TAS2R1: variants seen among roughly 807,000 people sequenced by gnomAD.
TAS2R1 encodes the protein taste 2 receptor member 1, also known as taste receptor type 2 member 1.
For missense variants in TAS2R1, 370 were observed against 353.4 expected (o/e 1.05, Z -0.38); for synonymous variants, 141 against 134.2 (o/e 1.05, Z -0.35).
At chr5:9,704,205 T>C (rs1214389749) in intron 1 of TAS2R1, among the ~76,000 whole-genome samples, 1 of 152,160 alleles carries the variant, frequency 6.6e-6, no homozygotes, top group Non-Finnish European at 1.5e-5. Flanking sequence ...TTGGACCCCA[T>C]GAGCTTAAGA....
At chr5:9,888,995 A>G in the TAS2R1 span, among the ~76,000 whole-genome samples, 1 of 152,278 alleles carries the variant, frequency 6.6e-6, no homozygotes. Flanking sequence ...CCTGAAGGCC[A>G]ACTTGAGCAT....
At chr5:9,781,213 G>T in the TAS2R1 span, among the ~76,000 whole-genome samples, 3 of 152,030 alleles carry the variant, frequency 2.0e-5, no homozygotes, top group African/African-American at 7.3e-5. Flanking sequence ...TTTTAAAGTT[G>T]AACTTTACCT....
chr5:9,701,415 C>T (rs1014787323), intron 1 of TAS2R1, among the ~76,000 whole-genome samples: 1 of 152,112 alleles, frequency 6.6e-6, no homozygotes, highest in Admixed American at 6.5e-5. Context: ...AGGGAGCAAA[C>T]TGCCTTTCTG....
At chr5:9,717,758 C>T in the TAS2R1 span, among the ~76,000 whole-genome samples, 2 of 152,008 alleles carry the variant, frequency 1.3e-5, no homozygotes, top group Non-Finnish European at 2.9e-5. Context: ...TAAGAATGAA[C>T]TCTGAATGAA....
the TAS2R1 span, among the ~76,000 whole-genome samples, chr5:9,901,490 T>C: frequency 4.9e-4 from 75 of 151,976 alleles, no homozygotes; most frequent in African/African-American, 1.6e-3. Context: ...AAGAAAAAAA[T>C]ATTGAAAGAA....
intron 1 of TAS2R1, among the ~76,000 whole-genome samples, chr5:9,695,525 AT>A (rs1220456775): frequency 6.6e-6 from 1 of 150,544 alleles, no homozygotes; most frequent in African/African-American, 2.5e-5. Flanking sequence ...TAGATGCTGC[AT>A]TTTGAAGATC....
chr5:9,676,996 G>T (rs538444467), intron 1 of TAS2R1, among the ~76,000 whole-genome samples: 1 of 152,098 alleles, frequency 6.6e-6, no homozygotes, highest in East Asian at 1.9e-4. Context: ...CAATCACATG[G>T]AATCAACCTA....
chr5:9,842,482 G>A, the TAS2R1 span, among the ~76,000 whole-genome samples: 3 of 151,732 alleles, frequency 2.0e-5, no homozygotes, highest in Non-Finnish European at 2.9e-5. Flanking sequence ...CACCACGGCC[G>A]GCTAATTTCT....
upstream of TAS2R1, among the ~76,000 whole-genome samples, chr5:9,717,331 G>A (rs73037674): frequency 0.013 from 1,907 of 152,002 alleles, 41 homozygotes; most frequent in African/African-American, 0.044. Context: ...GACTTAAGAA[G>A]GGGGAATAAG....
intron 1 of TAS2R1, among the ~76,000 whole-genome samples, chr5:9,673,531 T>C (rs1740811036): frequency 6.6e-6 from 1 of 151,980 alleles, no homozygotes; most frequent in African/African-American, 2.4e-5. Flanking sequence ...TACTCACTAT[T>C]TTTTATTTAT....
chr5:9,897,855 C>A, the TAS2R1 span, among the ~76,000 whole-genome samples: 6,283 of 152,218 alleles, frequency 0.041, 207 homozygotes, highest in South Asian at 0.13. Flanking sequence ...TAAGAGCCTG[C>A]AGATTAAAGA....
At chr5:9,887,202 T>C in the TAS2R1 span, among the ~76,000 whole-genome samples, 7 of 152,186 alleles carry the variant, frequency 4.6e-5, no homozygotes, top group Non-Finnish European at 7.3e-5. Context: ...TCACACCACA[T>C]AGTAATAATC....
the TAS2R1 span, among the ~76,000 whole-genome samples, chr5:9,864,588 G>A: frequency 6.7e-5 from 10 of 150,288 alleles, no homozygotes; most frequent in Admixed American, 2.0e-4. Context: ...AGCCAAGATC[G>A]CGCCACTTCA....
At chr5:9,770,355 T>C in the TAS2R1 span, among the ~76,000 whole-genome samples, 2 of 152,200 alleles carry the variant, frequency 1.3e-5, no homozygotes, top group East Asian at 1.9e-4. Context: ...TCTTCCAGTT[T>C]TGCTCCTTTT....
At chr5:9,752,403 T>G in the TAS2R1 span, among the ~76,000 whole-genome samples, 6 of 152,190 alleles carry the variant, frequency 3.9e-5, no homozygotes, top group African/African-American at 1.2e-4. Context: ...TTCTTTCCAC[T>G]CTGGCTTTCC....
the TAS2R1 span, among the ~76,000 whole-genome samples, chr5:9,842,316 C>CTTTTTTTTTTTTTTT: frequency 5.2e-5 from 6 of 116,230 alleles, no homozygotes; most frequent in South Asian, 2.8e-4. Context: ...TTCTTTCTCT[C>CTTTTTTTTTTTTTTT]TTTTTTTTTT....
At chr5:9,662,281 C>A (rs1342746898) in intron 1 of TAS2R1, among the ~76,000 whole-genome samples, 1 of 152,166 alleles carries the variant, frequency 6.6e-6, no homozygotes, top group Non-Finnish European at 1.5e-5. Context: ...TCCATCATTA[C>A]CCCCAAATAT....
At chr5:9,761,345 G>T in the TAS2R1 span, among the ~76,000 whole-genome samples, 18 of 151,204 alleles carry the variant, frequency 1.2e-4, no homozygotes, top group African/African-American at 4.4e-4. Flanking sequence ...CAGGAGGGAA[G>T]CTAGACAAGA....
At chr5:9,851,764 A>G in the TAS2R1 span, among the ~76,000 whole-genome samples, 7 of 152,308 alleles carry the variant, frequency 4.6e-5, no homozygotes, top group Admixed American at 3.3e-4. Context: ...AGTCTCAGAA[A>G]TGGGTTATAA....
Sources: allele counts gnomAD v4.1 joint callset (sites outside exome capture counted in the v4.1 genomes callset), GRCh38; gene constraint gnomAD v4.1.1; transcripts MANE v1.5; gene names NCBI Gene and HGNC (gene_info 2026-07-23, HGNC 2026-07-21).